GRID1: variants seen among roughly 807,000 people sequenced by gnomAD.
The protein encoded by GRID1 is glutamate ionotropic receptor delta type subunit 1, also known as glutamate receptor ionotropic, delta-1.
GRID1 carries 28 observed loss-of-function variants against 98.0 expected under a neutral mutation model. The ratio of observed to expected loss-of-function variants is 0.29; its 90% CI spans 0.21 to 0.39. The LOEUF is 0.39. Among genes scored for constraint, GRID1 ranks in the 10% least tolerant of loss-of-function variants. The pLI is 1.00. For missense variants in GRID1, 1,111 were observed against 1,340.5 expected (o/e 0.83, Z 2.67); for synonymous variants, 553 against 538.5 (o/e 1.03, Z -0.37).
intron 2 of GRID1, among the ~76,000 whole-genome samples, chr10:86,269,397 C>A (rs1318244768): frequency 6.6e-6 from 1 of 152,190 alleles, no homozygotes; most frequent in East Asian, 1.9e-4. Context: ...TGCTGTGTGG[C>A]CTCACTGAGG....
chr10:86,258,809 G>A (rs1846965514), intron 2 of GRID1, among the ~76,000 whole-genome samples: 1 of 152,152 alleles, frequency 6.6e-6, no homozygotes, highest in South Asian at 2.1e-4. Context: ...GAGGCTTTTT[G>A]TAATGTGAAA....
intron 4 of GRID1, among the ~76,000 whole-genome samples, chr10:85,947,499 C>T (rs1376171770): frequency 6.6e-6 from 1 of 152,176 alleles, no homozygotes; most frequent in Non-Finnish European, 1.5e-5. Context: ...GAAGCTATGG[C>T]TACAGATTCC....
chr10:85,699,516 G>C (rs750519759), intron 12 of GRID1, among the ~76,000 whole-genome samples: 12 of 152,078 alleles, frequency 7.9e-5, no homozygotes, highest in Non-Finnish European at 2.9e-5. Flanking sequence ...ACTTAACAAT[G>C]TTTTATTTTA....
At chr10:86,075,739 C>T (rs1383619247) in intron 4 of GRID1, among the ~76,000 whole-genome samples, 2 of 152,214 alleles carry the variant, frequency 1.3e-5, no homozygotes, top group Non-Finnish European at 2.9e-5. Flanking sequence ...GCACATGGCA[C>T]TTCCTCAGAG....
chr10:86,062,425 C>G (rs1351571628), intron 4 of GRID1, among the ~76,000 whole-genome samples: 1 of 152,166 alleles, frequency 6.6e-6, no homozygotes, highest in Non-Finnish European at 1.5e-5. Flanking sequence ...AGGTCCCACT[C>G]AGATTCGCTT....
intron 12 of GRID1, among the ~76,000 whole-genome samples, chr10:85,688,753 T>G (rs963252608): frequency 2.0e-5 from 3 of 152,168 alleles, no homozygotes; most frequent in African/African-American, 7.2e-5. Flanking sequence ...TAGAATGGTT[T>G]AGGGTCGCGC....
intron 6 of GRID1, among the ~76,000 whole-genome samples, chr10:85,861,252 T>C (rs1001232195): frequency 9.9e-5 from 15 of 152,186 alleles, no homozygotes; most frequent in African/African-American, 4.8e-5. Flanking sequence ...CTGACTCCTA[T>C]AGCTTGAGGG....
intron 8 of GRID1, among the ~76,000 whole-genome samples, chr10:85,756,331 T>C (rs1590218463): frequency 6.6e-6 from 1 of 152,302 alleles, no homozygotes; most frequent in African/African-American, 2.4e-5. Context: ...CTTTTTTCTT[T>C]CCTTATTATG....
intron 10 of GRID1, among the ~76,000 whole-genome samples, chr10:85,726,072 G>T (rs1415805596): frequency 6.6e-6 from 1 of 152,192 alleles, no homozygotes; most frequent in African/African-American, 2.4e-5. Flanking sequence ...TGACACAGGT[G>T]GAGGGGTTGT....
intron 4 of GRID1, among the ~76,000 whole-genome samples, chr10:86,014,540 G>T (rs1157828663): frequency 6.6e-6 from 1 of 152,200 alleles, no homozygotes; most frequent in East Asian, 1.9e-4. Flanking sequence ...CTCCTTGCCT[G>T]CACATTCTGG....
chr10:86,057,551 T>G (rs959988269), intron 4 of GRID1, among the ~76,000 whole-genome samples: 9 of 152,220 alleles, frequency 5.9e-5, no homozygotes, highest in African/African-American at 2.2e-4. Context: ...CCTCGGGTGT[T>G]CACTGTAGCC....
Position 85,599,570 on chromosome 10 carries a change from T to C in GRID1, c.*2703A>G, listed in dbSNP as rs1036260399. ...GACAAGATTTATTATTAAACAACTT[T>C]AATCCAAATGCTGATTATTATTTGC... On this transcript the variant is annotated 3_prime_UTR_variant, in exon 16 of 16. Transcript: ENST00000327946. The C allele has an allele frequency of 1.3e-5, 2 of 152,404 alleles. No individual in the cohort carries two copies. Among genetic ancestry groups the C allele is most frequent in the African/African-American group, 4.8e-5 (2 of 41,338 alleles). 9.4% of individuals were successfully genotyped at this position (152,404 alleles called of 1,614,324 possible). A position where few individuals can be genotyped will look rare whatever the true frequency, so the allele number is the denominator to read the frequency against.
At chr10:86,358,857 T>G (rs1168595926) in intron 2 of GRID1, among the ~76,000 whole-genome samples, 2 of 148,302 alleles carry the variant, frequency 1.3e-5, no homozygotes, top group Non-Finnish European at 3.0e-5. Context: ...AGCAGAAGAG[T>G]CAGAGAAGGA....
intron 6 of GRID1, among the ~76,000 whole-genome samples, chr10:85,859,059 C>T (rs1459651160): frequency 6.6e-6 from 1 of 152,206 alleles, no homozygotes; most frequent in African/African-American, 2.4e-5. Flanking sequence ...TTGAGCAATG[C>T]TCTTTTCCAG....
intron 8 of GRID1, among the ~76,000 whole-genome samples, chr10:85,847,023 C>G (rs558975029): frequency 6.8e-4 from 103 of 152,178 alleles, no homozygotes; most frequent in Non-Finnish European, 1.3e-3. Context: ...CTAACACAAG[C>G]TGAACACAAG....
intron 15 of GRID1, among the ~76,000 whole-genome samples, chr10:85,604,907 C>T (rs1264217231): frequency 1.3e-5 from 2 of 152,196 alleles, no homozygotes; most frequent in Admixed American, 6.5e-5. Context: ...GAGTTACTAT[C>T]CCCACCGGAT....
At chr10:85,829,045 T>C (rs890554484) in intron 8 of GRID1, among the ~76,000 whole-genome samples, 1 of 152,054 alleles carries the variant, frequency 6.6e-6, no homozygotes, top group Non-Finnish European at 1.5e-5. Context: ...TGAACATAGA[T>C]GCAAAAATCC....
intron 3 of GRID1, among the ~76,000 whole-genome samples, chr10:86,170,894 T>TCACAGG (rs1182215166): frequency 6.6e-6 from 1 of 152,082 alleles, no homozygotes; most frequent in Non-Finnish European, 1.5e-5. Flanking sequence ...TACTCACAGG[T>TCACAGG]TCTCCTCTAC....
chr10:86,297,140 T>G (rs866733040), intron 2 of GRID1, among the ~76,000 whole-genome samples: 2 of 152,158 alleles, frequency 1.3e-5, no homozygotes, highest in African/African-American at 4.8e-5. Flanking sequence ...CAAGGAATTA[T>G]ATAAAGTTAT....
Sources: gnomAD v4.1 joint callset for allele counts (sites outside exome capture counted in the v4.1 genomes callset) on GRCh38, gnomAD v4.1.1 for gene constraint, MANE v1.5 for transcripts, NCBI Gene and HGNC (gene_info 2026-07-23, HGNC 2026-07-21) for gene names.